TCF7L2: variants seen among roughly 807,000 people sequenced by gnomAD.
TCF7L2 encodes transcription factor 7-like 2.
A neutral mutation model predicts 77.9 loss-of-function variants in TCF7L2; 23 were observed. The observed-to-expected ratio is 0.30, with a 90% CI of 0.21 to 0.42. The LOEUF is 0.42. Among genes scored for constraint, TCF7L2 ranks in the 10% least tolerant of loss-of-function variants. The probability of loss-of-function intolerance (pLI) is 1.00; values close to 1 mark genes in which losing one functional copy is unlikely to be tolerated. For missense variants in TCF7L2, 654 were observed against 793.1 expected (o/e 0.82, Z 2.11); for synonymous variants, 413 against 340.2 (o/e 1.21, Z -2.36).
At position 113,167,385 on chromosome 10, in the gene TCF7L2, T is replaced by C. The variant is rs552642564; in HGVS notation, c.*1413T>C. 108 of 226,298 alleles carry C rather than the reference T, an allele frequency of 4.8e-4. 2 individuals carry two copies. The South Asian group carries it at 0.02, about 41-fold the overall frequency. The allele number at this position is 226,298 out of a possible 1,614,324, so 14.0% of individuals were successfully genotyped here. On this transcript the variant is annotated 3_prime_UTR_variant, in exon 14 of 14. Coordinates refer to ENST00000627217, the MANE Select transcript of TCF7L2 (RefSeq NM_001146274.2). ...ACCTAGGCATGTTGATGTTGCAAAA[T>C]GCTGTATAAAGCTGAAACCTGTTCA...
intron 4 of TCF7L2, among the ~76,000 whole-genome samples, chr10:113,030,280 T>C (rs1434678280): frequency 1.3e-5 from 2 of 152,260 alleles, no homozygotes; most frequent in African/African-American, 2.4e-5. Flanking sequence ...TATTCCATTT[T>C]ATGGCTGTAC....
intron 12 of TCF7L2, 67 bp downstream of exon 12, chr10:113,158,136 T>G: frequency 6.6e-7 from 1 of 1,521,322 alleles, no homozygotes; most frequent in South Asian, 1.2e-5. Flanking sequence ...ATGTTAGGTT[T>G]CCATCTGGGG....
intron 4 of TCF7L2, among the ~76,000 whole-genome samples, chr10:113,004,138 G>A (rs968722608): frequency 3.9e-5 from 6 of 152,134 alleles, no homozygotes; most frequent in South Asian, 2.1e-4. Context: ...AAGAGAGGGC[G>A]GACTTTTTAT....
chr10:112,983,880 G>C (rs769151972), intron 4 of TCF7L2, among the ~76,000 whole-genome samples: 2 of 152,212 alleles, frequency 1.3e-5, no homozygotes, highest in African/African-American at 4.8e-5. Flanking sequence ...TAGTGGCCAC[G>C]AACCCAGGCC....
At chr10:113,137,212 T>A (rs1473335298) in intron 5 of TCF7L2, among the ~76,000 whole-genome samples, 1 of 152,172 alleles carries the variant, frequency 6.6e-6, no homozygotes, top group Non-Finnish European at 1.5e-5. Flanking sequence ...ACAAACATCC[T>A]TACCTTTGAA....
intron 4 of TCF7L2, among the ~76,000 whole-genome samples, chr10:112,983,109 GCT>G (rs1259402056): frequency 6.6e-6 from 1 of 151,962 alleles, no homozygotes; most frequent in Admixed American, 6.6e-5. Context: ...TGTAACGTCT[GCT>G]CTGTTTTTGT....
At chr10:112,950,966 T>G in intron 1 of TCF7L2, 21 bp downstream of exon 1, 1 of 1,596,650 alleles carries the variant, frequency 6.3e-7, no homozygotes, top group South Asian at 1.1e-5. Context: ...CCCCTCGGGC[T>G]GGTGGGGTTT....
chr10:112,952,852 C>G (rs1179834189), intron 3 of TCF7L2, among the ~76,000 whole-genome samples: 1 of 151,180 alleles, frequency 6.6e-6, no homozygotes, highest in Non-Finnish European at 1.5e-5. Context: ...CTGCCCTCAC[C>G]CTGAACCCCC....
At chr10:112,978,529 G>A (rs1366180237) in intron 4 of TCF7L2, among the ~76,000 whole-genome samples, 1 of 150,888 alleles carries the variant, frequency 6.6e-6, no homozygotes, top group African/African-American at 2.4e-5. Flanking sequence ...ACAGTGGTGC[G>A]ATCTCGGCTC....
At chr10:113,146,236 A>G in intron 8 of TCF7L2, 139 bp downstream of exon 8, 1 of 740,612 alleles carries the variant, frequency 1.4e-6, no homozygotes, top group Non-Finnish European at 2.2e-6. Context: ...ATTAGGCTGT[A>G]CTCCCAGAAA....
chr10:113,118,378 T>A (rs2064167422), intron 5 of TCF7L2, among the ~76,000 whole-genome samples: 1 of 152,170 alleles, frequency 6.6e-6, no homozygotes, highest in African/African-American at 2.4e-5. Flanking sequence ...AAGGGGTATG[T>A]GGATAGTAAG....
At chr10:112,989,598 G>T (rs1564751034) in intron 4 of TCF7L2, among the ~76,000 whole-genome samples, 1 of 152,176 alleles carries the variant, frequency 6.6e-6, no homozygotes, top group Admixed American at 6.5e-5. Context: ...CACTAGACTT[G>T]CCTTGAGTGT....
chr10:113,143,644 A>C (rs954209202), intron 6 of TCF7L2, among the ~76,000 whole-genome samples: 1 of 152,216 alleles, frequency 6.6e-6, no homozygotes, highest in Non-Finnish European at 1.5e-5. Context: ...TGAAACAATC[A>C]CACCAGTCAC....
intron 13 of TCF7L2, among the ~76,000 whole-genome samples, chr10:113,163,830 C>T (rs542874382): frequency 3.9e-5 from 6 of 152,236 alleles, no homozygotes; most frequent in South Asian, 2.1e-4. Flanking sequence ...TACACCCCTC[C>T]CCTCCTTCCC....
intron 5 of TCF7L2, among the ~76,000 whole-genome samples, chr10:113,104,859 A>C (rs578096455): frequency 6.6e-6 from 1 of 152,338 alleles, no homozygotes; most frequent in South Asian, 2.1e-4. Context: ...AGCTTGGTAC[A>C]TGAGGCTTAA....
chr10:113,019,754 A>G (rs2047973851), intron 4 of TCF7L2, among the ~76,000 whole-genome samples: 1 of 151,538 alleles, frequency 6.6e-6, no homozygotes, highest in Non-Finnish European at 1.5e-5. Context: ...TGTTTTGGAT[A>G]TATTGATTTT....
At chr10:113,101,618 G>A (rs879257586) in intron 5 of TCF7L2, among the ~76,000 whole-genome samples, 2 of 151,824 alleles carry the variant, frequency 1.3e-5, no homozygotes, top group Non-Finnish European at 1.5e-5. Flanking sequence ...TGAGGTGGGC[G>A]GATCACAAGG....
chr10:113,037,802 T>C (rs1204737739), intron 4 of TCF7L2, among the ~76,000 whole-genome samples: 1 of 152,196 alleles, frequency 6.6e-6, no homozygotes, highest in African/African-American at 2.4e-5. Flanking sequence ...CACTGAGGGA[T>C]AGCATGGGAT....
At chr10:113,079,060 C>T (rs938285955) in intron 5 of TCF7L2, among the ~76,000 whole-genome samples, 2 of 152,184 alleles carry the variant, frequency 1.3e-5, no homozygotes, top group Non-Finnish European at 2.9e-5. Context: ...TCTCAAACTC[C>T]TGACCTTAAG....
Sources: gnomAD v4.1 joint callset for allele counts (sites outside exome capture counted in the v4.1 genomes callset) on GRCh38, gnomAD v4.1.1 for gene constraint, MANE v1.5 for transcripts, NCBI Gene and HGNC (gene_info 2026-07-23, HGNC 2026-07-21) for gene names.